Variants in GPC5 observed in about 807,000 individuals in gnomAD.
GPC5 encodes the protein glypican-5.
GPC5 carries 47 observed loss-of-function variants against 53.9 expected under a neutral mutation model. The ratio of observed to expected loss-of-function variants is 0.87; its 90% CI spans 0.69 to 1.11. GPC5 has a LOEUF of 1.11. Among genes scored for constraint, GPC5 ranks in the 50% most tolerant of loss-of-function variants. The probability of loss-of-function intolerance (pLI) is 0.00; values close to 1 mark genes in which losing one functional copy is unlikely to be tolerated. For missense variants in GPC5, 748 were observed against 713.1 expected, an observed-to-expected ratio of 1.05 and a Z score of -0.56; for synonymous variants, 286 against 263.3, an observed-to-expected ratio of 1.09 and a Z score of -0.84.
chr13:91,893,331 A>C lies in GPC5; in HGVS notation c.1281-14606A>C, dbSNP rs186351079. 1.6e-3 allele frequency among the ~76,000 whole-genome samples: 237 copies of C among 152,098 alleles called. 1 individual carries two copies. In the Middle Eastern group the frequency reaches 0.054, roughly 35 times the overall value. ...ATTTTTATTTCTTCACCAAATGTAAAACCAACTTATTTATTAAAGATTTAC... is the reference window on the plus strand; with the variant it reads ...ATTTTTATTTCTTCACCAAATGTAACACCAACTTATTTATTAAAGATTTAC... On this transcript the variant is annotated intron_variant, in intron 5 of 7. Coordinates refer to ENST00000377067, the MANE Select transcript of GPC5 (RefSeq NM_004466.6).
At chr13:92,841,244 T>G (rs1005146936) in intron 7 of GPC5, among the ~76,000 whole-genome samples, 1 of 152,154 alleles carries the variant, frequency 6.6e-6, no homozygotes, top group Non-Finnish European at 1.5e-5. Context: ...GTCAGTCTTA[T>G]TAAACAAGAC....
At chr13:92,728,889 A>C (rs1888721828) in intron 7 of GPC5, among the ~76,000 whole-genome samples, 1 of 151,342 alleles carries the variant, frequency 6.6e-6, no homozygotes, top group South Asian at 2.1e-4. Flanking sequence ...AGTACATTTA[A>C]ATGACTTTAA....
At chr13:91,823,903 G>C (rs2038534825) in intron 5 of GPC5, among the ~76,000 whole-genome samples, 1 of 151,918 alleles carries the variant, frequency 6.6e-6, no homozygotes, top group Non-Finnish European at 1.5e-5. Flanking sequence ...TTATAATTCT[G>C]TTTCTAAGAT....
At chr13:92,625,033 T>G (rs1270971396) in intron 7 of GPC5, among the ~76,000 whole-genome samples, 1 of 152,220 alleles carries the variant, frequency 6.6e-6, no homozygotes, top group Non-Finnish European at 1.5e-5. Context: ...TTGCTTTTTA[T>G]TATTGCTGTA....
intron 6 of GPC5, among the ~76,000 whole-genome samples, chr13:91,933,806 G>C (rs2039844653): frequency 6.6e-6 from 1 of 151,946 alleles, no homozygotes; most frequent in Admixed American, 6.6e-5. Context: ...GACTGACACT[G>C]TGTATCATTT....
Position 92,402,277 on chromosome 13 carries a change from G to T in GPC5, c.1561+257288G>T, listed in dbSNP as rs142123083. ...TTTGGGCAAACAAAATCACAAAATA[G>T]CGTGTATACACCTGAATTTTATTGT... On this transcript the variant is annotated intron_variant, in intron 7 of 7. Transcript: ENST00000377067. Among the ~76,000 whole-genome samples the T allele has an allele frequency of 5.9e-5, 9 of 152,212 alleles. No individual in the cohort carries two copies. The East Asian group carries it at 1.6e-3, about 26-fold the overall frequency.
At chr13:92,236,355 T>C (rs1470492059) in intron 7 of GPC5, among the ~76,000 whole-genome samples, 4 of 152,092 alleles carry the variant, frequency 2.6e-5, no homozygotes, top group Admixed American at 6.6e-5. Context: ...TAATGCAATA[T>C]CATATCATAG....
intron 7 of GPC5, among the ~76,000 whole-genome samples, chr13:92,250,499 T>C (rs1194956325): frequency 6.6e-6 from 1 of 152,104 alleles, no homozygotes; most frequent in Non-Finnish European, 1.5e-5. Flanking sequence ...CGCCTTACCC[T>C]TCTTTATGGC....
At chr13:92,238,584 A>T (rs879812516) in intron 7 of GPC5, among the ~76,000 whole-genome samples, 44 of 152,152 alleles carry the variant, frequency 2.9e-4, no homozygotes, top group Middle Eastern at 3.4e-3. Flanking sequence ...AAGAGTCCTT[A>T]TGTATTCTAG....
At chr13:92,381,193 G>T (rs1454140787) in intron 7 of GPC5, among the ~76,000 whole-genome samples, 1 of 152,144 alleles carries the variant, frequency 6.6e-6, no homozygotes, top group African/African-American at 2.4e-5. Context: ...CTTAAACTTT[G>T]TTTTTCTCTA....
intron 6 of GPC5, among the ~76,000 whole-genome samples, chr13:91,912,107 A>G (rs1255242949): frequency 6.6e-6 from 1 of 152,150 alleles, no homozygotes; most frequent in East Asian, 1.9e-4. Context: ...ATTAATGGAG[A>G]CTGTAAGACA....
intron 7 of GPC5, among the ~76,000 whole-genome samples, chr13:92,188,887 T>C (rs949492406): frequency 6.6e-6 from 1 of 152,164 alleles, no homozygotes; most frequent in African/African-American, 2.4e-5. Flanking sequence ...CAGTCCTTCT[T>C]AGCTCTGTTA....
rs182909344 is a variant in GPC5 at position 92,199,590 on chromosome 13, G to A, written c.1561+54601G>A. Among the ~76,000 whole-genome samples, 78 of 152,210 alleles carry A rather than the reference G, an allele frequency of 5.1e-4. 2 individuals are homozygous for A. The East Asian group carries it at 0.013, about 26-fold the overall frequency. ...TTCAATTAGACTGTAATTACAAAGA[G>A]AACATTGGTCATTATTTTTACACTT... On this transcript the variant is annotated intron_variant, in intron 7 of 7. Coordinates refer to ENST00000377067, the MANE Select transcript of GPC5 (RefSeq NM_004466.6).
intron 7 of GPC5, among the ~76,000 whole-genome samples, chr13:92,574,132 T>C (rs1368182245): frequency 1.3e-5 from 2 of 152,192 alleles, no homozygotes; most frequent in Non-Finnish European, 2.9e-5. Context: ...TAATTCTTTA[T>C]AATAAAACTT....
At chr13:91,601,019 TGTCTG>T (rs1594314425) in intron 2 of GPC5, among the ~76,000 whole-genome samples, 2 of 152,208 alleles carry the variant, frequency 1.3e-5, no homozygotes, top group East Asian at 3.8e-4. Context: ...AATTTAGCTG[TGTCTG>T]GAACTATGTT....
intron 7 of GPC5, among the ~76,000 whole-genome samples, chr13:92,275,765 C>A (rs1390306857): frequency 1.3e-5 from 2 of 152,008 alleles, no homozygotes; most frequent in African/African-American, 4.8e-5. Flanking sequence ...TCCATCGTTA[C>A]CAAGGATAAA....
intron 2 of GPC5, among the ~76,000 whole-genome samples, chr13:91,637,742 T>C (rs1188075278): frequency 6.6e-6 from 1 of 152,146 alleles, no homozygotes; most frequent in Non-Finnish European, 1.5e-5. Context: ...AAAAGAGAAT[T>C]CAAGGGGACC....
In GPC5 at chr13:91,646,916, GTCA is replaced by G. The variant is rs545701703; in HGVS notation, c.326-46264_326-46262del. On this transcript the variant is annotated intron_variant, in intron 2 of 7. Transcript: ENST00000377067. ...GAAGCTTCTGTAATTCAAGTTATCA[GTCA>G]TCATCAGACACTTTGAAAATATTAA... 2.6e-3 allele frequency among the ~76,000 whole-genome samples: 389 copies of G among 152,192 alleles called. 1 individual carries two copies. Among genetic ancestry groups the G allele is most frequent in the African/African-American group, 9.0e-3 (372 of 41,518 alleles).
At chr13:91,524,530 T>G (rs1390051753) in intron 2 of GPC5, among the ~76,000 whole-genome samples, 1 of 152,168 alleles carries the variant, frequency 6.6e-6, no homozygotes, top group Non-Finnish European at 1.5e-5. Context: ...ATCTATCTTA[T>G]TTTTCAAGGA....
Sources: gnomAD v4.1 joint callset for allele counts (sites outside exome capture counted in the v4.1 genomes callset) on GRCh38, gnomAD v4.1.1 for gene constraint, MANE v1.5 for transcripts, NCBI Gene and HGNC (gene_info 2026-07-23, HGNC 2026-07-21) for gene names.